The following MSX1 variants were observed in gnomAD, a reference collection of about 807,000 sequenced individuals.
MSX1 encodes the protein msh homeobox 1.
In MSX1, 11 loss-of-function variants were observed where a neutral mutation model predicts 17.0. That is an observed-to-expected ratio of 0.65 (90% CI 0.41 to 1.07). The LOEUF is 1.07. Among genes scored for constraint, MSX1 ranks in the 50% least tolerant of loss-of-function variants. The pLI is 0.00. For missense variants in MSX1, 477 were observed against 440.1 expected, an observed-to-expected ratio of 1.08 and a Z score of -0.75; for synonymous variants, 253 against 211.8, an observed-to-expected ratio of 1.19 and a Z score of -1.69.
chr4:4,860,888 C>T (rs35254762), intron 1 of MSX1, among the ~76,000 whole-genome samples: 9,566 of 152,024 alleles, frequency 0.063, 344 homozygotes, highest in South Asian at 0.16. Context: ...GTGCTTTGGG[C>T]GGATGGATGA....
In MSX1 at chr4:4,863,913, T is replaced by TTTTGTAGCTTA. The variant is rs1737992594; in HGVS notation, c.*770_*771insTTTGTAGCTTA. ...TTATATTATAGCTATATTTGTTAAA[T>TTTTGTAGCTTA]AAATTAATTTTAAGCTACAAAAATT... On this transcript the variant is annotated 3_prime_UTR_variant, in exon 2 of 2. Coordinates refer to ENST00000382723, the MANE Select transcript of MSX1 (RefSeq NM_002448.3). 1.3e-5 allele frequency: 2 copies of TTTTGTAGCTTA among 152,570 alleles called. No individual in the cohort carries two copies. Among genetic ancestry groups the TTTTGTAGCTTA allele is most frequent in the Non-Finnish European group, 2.9e-5 (2 of 68,002 alleles). The allele number at this position is 152,570 out of a possible 1,614,324, so 9.5% of individuals were successfully genotyped here.
intron 1 of MSX1, among the ~76,000 whole-genome samples, chr4:4,862,050 T>C (rs1450199792): frequency 3.9e-5 from 6 of 152,158 alleles, no homozygotes; most frequent in African/African-American, 1.2e-4. Context: ...GATGACACTT[T>C]CTGTTTCTAA....
rs1053510796 is a variant in MSX1, at chr4:4,863,394, G to A, written c.*251G>A. 1.9e-6 allele frequency: 1 copy of A among 521,348 alleles called. No individual in the cohort carries two copies. The highest frequency in any genetic ancestry group is 3.4e-6 in the Non-Finnish European group (1 of 290,512). 32.3% of individuals were successfully genotyped at this position (521,348 alleles called of 1,614,324 possible). ...CGAGTTAAAGATGGGGAAACTGAGG[G>A]CAGAGAGGTTAACAGATTTATCTAA... On this transcript the variant is annotated 3_prime_UTR_variant, in exon 2 of 2. Transcript: ENST00000382723.
intron 1 of MSX1, 52 bp downstream of exon 1, chr4:4,860,420 TGGGG>T: frequency 1.0e-6 from 1 of 965,938 alleles, no homozygotes; most frequent in Non-Finnish European, 1.4e-6. Flanking sequence ...GGGGGCCGGG[TGGGG>T]TGTGGGACCC....
chr4:4,862,597 A>G (rs753621796), intron 1 of MSX1, 104 bp from the exon 2 acceptor site: 1 of 1,366,868 alleles, frequency 7.3e-7, no homozygotes, highest in African/African-American at 1.4e-5. Flanking sequence ...ACTTGGCGGC[A>G]CTCAATATCT....
At position 4,863,196 on chromosome 4, in the gene MSX1, T is replaced by C. The variant is rs1737964708; in HGVS notation, c.*53T>C. The C allele has an allele frequency of 1.9e-6, 3 of 1,538,732 alleles. No homozygotes were observed. In the Admixed American group the frequency reaches 5.7e-5, roughly 29 times the overall value. ...CAGCCGATTCCTCCAGCCCTGGTGC[T>C]GTACCCCCGACGTGCTCCCCTGCTC... On this transcript the variant is annotated 3_prime_UTR_variant, in exon 2 of 2. Coordinates refer to ENST00000382723, the MANE Select transcript of MSX1 (RefSeq NM_002448.3).
intron 1 of MSX1, among the ~76,000 whole-genome samples, 157 bp downstream of exon 1, chr4:4,860,525 C>G (rs1479717035): frequency 2.0e-5 from 3 of 152,206 alleles, no homozygotes. Flanking sequence ...CCTCCCTCCA[C>G]TCCCACCCAG....
In MSX1 at chr4:4,860,100, G is replaced by A; in HGVS notation, c.201G>A (p.Met67Ile). The change falls in exon 1 of 2, where the codon ATG becomes ATA. Residue 67 changes from methionine (M) to isoleucine (I), a missense_variant. Transcript: ENST00000382723. ...SLLPFSVEAL[M>I]ADHRKPGAKE... ...TGCCCTTCAGCGTGGAGGCGCTCAT[G>A]GCCGACCACAGGAAGCCGGGGGCCA... is the stretch of plus-strand genomic sequence containing the variant. 6.6e-7 allele frequency: 1 copy of A among 1,518,970 alleles called. No homozygotes were observed. The highest frequency in any genetic ancestry group is 1.2e-5 in the South Asian group (1 of 81,300). The allele number at this position is 1,518,970 out of a possible 1,614,324, so 94.1% of individuals were successfully genotyped here.
rs1348801213 is a variant in MSX1, at chr4:4,859,873, G to A, written c.-27G>A. On this transcript the variant is annotated 5_prime_UTR_variant, in exon 1 of 2. Coordinates refer to ENST00000382723, the MANE Select transcript of MSX1 (RefSeq NM_002448.3). ...CCATGCCCGGCGGCTGGCCAGTGCT[G>A]CGGCAGAAGGGGGGGCCCGGCTCTG... 6.8e-7 allele frequency: 1 copy of A among 1,468,420 alleles called. No homozygotes were observed. Among genetic ancestry groups the A allele is most frequent in the Non-Finnish European group, 9.0e-7 (1 of 1,108,356 alleles). 91.0% of individuals were successfully genotyped at this position (1,468,420 alleles called of 1,614,324 possible). A position where few individuals can be genotyped will look rare whatever the true frequency, so the allele number is the denominator to read the frequency against.
intron 1 of MSX1, among the ~76,000 whole-genome samples, chr4:4,860,969 C>T (rs1017140685): frequency 6.6e-6 from 1 of 152,214 alleles, no homozygotes; most frequent in Non-Finnish European, 1.5e-5. Flanking sequence ...AAGGCGCCCC[C>T]GCTAATCCTA....
intron 1 of MSX1, among the ~76,000 whole-genome samples, chr4:4,860,907 T>TG (rs1350516905): frequency 1.3e-5 from 2 of 151,810 alleles, no homozygotes; most frequent in African/African-American, 4.8e-5. Flanking sequence ...GATTCAGGGG[T>TG]GGGGACATTC....
chr4:4,863,704 G>C lies in MSX1; in HGVS notation c.*561G>C, dbSNP rs935163884. The C allele has an allele frequency of 6.7e-6, 1 of 149,790 alleles. No individual in the cohort carries two copies. The highest frequency in any genetic ancestry group is 1.5e-5 in the Non-Finnish European group (1 of 67,706). 9.3% of individuals were successfully genotyped at this position (149,790 alleles called of 1,614,324 possible). A position where few individuals can be genotyped will look rare whatever the true frequency, so the allele number is the denominator to read the frequency against. ...TGCTCTGGGGGGCAGGGAAAACACA[G>C]ATGTGTTGCAAAGGTAGGTTGAAGG... On this transcript the variant is annotated 3_prime_UTR_variant, in exon 2 of 2. Coordinates refer to ENST00000382723, the MANE Select transcript of MSX1 (RefSeq NM_002448.3).
intron 1 of MSX1, 57 bp from the exon 2 acceptor site, chr4:4,862,644 A>G (rs777060976): frequency 6.3e-7 from 1 of 1,589,562 alleles, no homozygotes; most frequent in Non-Finnish European, 8.6e-7. Context: ...TCTTGGGCTG[A>G]TCATGCTCCA....
rs1404929015 is a variant in MSX1, at chr4:4,859,732, C to G, written c.-168C>G. 2 of 320,352 alleles carry G rather than the reference C, an allele frequency of 6.2e-6. No individual in the cohort carries two copies. The highest frequency in any genetic ancestry group is 2.0e-4 in the East Asian group (2 of 10,066). 19.8% of individuals were successfully genotyped at this position (320,352 alleles called of 1,614,324 possible). On this transcript the variant is annotated 5_prime_UTR_variant, in exon 1 of 2. Coordinates refer to ENST00000382723, the MANE Select transcript of MSX1 (RefSeq NM_002448.3). ...CGGCGGCAGCGACCGGAGGCCAGGC[C>G]CAGCACGCCGGAGCTGGCCTGCTGG...
chr4:4,862,619 G>T, intron 1 of MSX1, 82 bp from the exon 2 acceptor site: 6 of 1,499,380 alleles, frequency 4.0e-6, no homozygotes, highest in Non-Finnish European at 5.5e-6. Context: ...GTATTGTTTG[G>T]CTATTATTAC....
rs533689846 is a variant in MSX1 at position 4,861,035 on chromosome 4, A to G, written c.469+667A>G. Among the ~76,000 whole-genome samples, 50 of 152,382 alleles carry G rather than the reference A, an allele frequency of 3.3e-4. 1 individual carries two copies. The highest frequency in any genetic ancestry group is 3.1e-3 in the Admixed American group (47 of 15,308). ...CATTAAAGTGGACTCCAGGTGCCCA[A>G]GGCGGTTCGCTCCAAGGCCTCACGG... is the stretch of plus-strand genomic sequence containing the variant. On this transcript the variant is annotated intron_variant, in intron 1 of 1. Coordinates refer to ENST00000382723, the MANE Select transcript of MSX1 (RefSeq NM_002448.3).
At chr4:4,862,425 G>A (rs1737936910) in intron 1 of MSX1, 1 of 653,230 alleles carries the variant, frequency 1.5e-6, no homozygotes, top group African/African-American at 1.8e-5. Flanking sequence ...AGCTGTTTAG[G>A]CCTAAGATGT....
intron 1 of MSX1, 87 bp downstream of exon 1, chr4:4,860,455 G>A (rs1021378871): frequency 1.5e-5 from 23 of 1,485,676 alleles, no homozygotes; most frequent in Non-Finnish European, 1.7e-5. Context: ...GGTGGCCTCC[G>A]GCGCCTGCGT....
chr4:4,859,736 C>T lies in MSX1; in HGVS notation c.-164C>T, dbSNP rs1342863647. The T allele has an allele frequency of 8.9e-6, 3 of 337,676 alleles. No individual in the cohort carries two copies. The highest frequency in any genetic ancestry group is 1.4e-5 in the Non-Finnish European group (3 of 217,132). 20.9% of individuals were successfully genotyped at this position (337,676 alleles called of 1,614,324 possible). Reference sequence around the variant, plus strand: ...GGCAGCGACCGGAGGCCAGGCCCAGCACGCCGGAGCTGGCCTGCTGGGGAG... The same window carrying T: ...GGCAGCGACCGGAGGCCAGGCCCAGTACGCCGGAGCTGGCCTGCTGGGGAG... On this transcript the variant is annotated 5_prime_UTR_variant, in exon 1 of 2. Transcript: ENST00000382723.
Sources: allele counts gnomAD v4.1 joint callset (sites outside exome capture counted in the v4.1 genomes callset), GRCh38; gene constraint gnomAD v4.1.1; transcripts MANE v1.5; gene names NCBI Gene and HGNC (gene_info 2026-07-23, HGNC 2026-07-21).